RORA: variants seen among roughly 807,000 people sequenced by gnomAD.
RORA encodes the protein RAR related orphan receptor A.
A neutral mutation model predicts 69.5 loss-of-function variants in RORA; 7 were observed. That is an observed-to-expected ratio of 0.10 (90% confidence interval 0.06 to 0.19). The LOEUF is 0.19. RORA is among the 10% of genes least tolerant of loss of function. The pLI is 1.00. For missense variants in RORA, 457 were observed against 663.0 expected, an observed-to-expected ratio of 0.69 and a Z score of 3.41; for synonymous variants, 261 against 240.8, an observed-to-expected ratio of 1.08 and a Z score of -0.78.
At chr15:61,138,603 A>AC (rs947864616) in intron 1 of RORA, among the ~76,000 whole-genome samples, 2 of 152,050 alleles carry the variant, frequency 1.3e-5, no homozygotes, top group African/African-American at 4.8e-5. Context: ...TCAAACTGCT[A>AC]CCCCTCAGCA....
intron 1 of RORA, among the ~76,000 whole-genome samples, chr15:61,134,563 T>C (rs1212529470): frequency 6.6e-6 from 1 of 152,216 alleles, no homozygotes; most frequent in East Asian, 1.9e-4. Context: ...TTAAAAATGC[T>C]GCAAGAATTC....
At chr15:60,627,355 C>G (rs139672315) in intron 2 of RORA, 1 of 1,614,196 alleles carries the variant, frequency 6.2e-7, no homozygotes, top group East Asian at 2.2e-5. Flanking sequence ...GTCACTGTCT[C>G]CTGGGGCCCC....
rs1249688758 is a variant in RORA at position 60,786,365 on chromosome 15, C to T, written c.167-107679G>A. Among the ~76,000 whole-genome samples the T allele has an allele frequency of 9.9e-5, 15 of 152,220 alleles. No individual in the cohort carries two copies. The South Asian group carries it at 1.2e-3, about 13-fold the overall frequency. ...CTCAAAAAGATAAATATTACTAATA[C>T]CTTTTACCTAAAAGTATCCACCTCC... is the stretch of plus-strand genomic sequence containing the variant. On this transcript the variant is annotated intron_variant, in intron 1 of 10. Transcript: ENST00000335670.
At chr15:61,062,520 A>G (rs961110392) in intron 1 of RORA, among the ~76,000 whole-genome samples, 1 of 152,120 alleles carries the variant, frequency 6.6e-6, no homozygotes, top group African/African-American at 2.4e-5. Flanking sequence ...GAGAGACAGG[A>G]GGAGCGAGCC....
At chr15:61,135,145 C>CT (rs2079224870) in intron 1 of RORA, among the ~76,000 whole-genome samples, 1 of 90,898 alleles carries the variant, frequency 1.1e-5, no homozygotes, top group Admixed American at 1.2e-4. Flanking sequence ...CCATCTCTTA[C>CT]TAAAAAAAAA....
intron 1 of RORA, among the ~76,000 whole-genome samples, chr15:60,785,696 C>T (rs563241157): frequency 5.9e-5 from 9 of 152,350 alleles, no homozygotes; most frequent in South Asian, 2.1e-4. Flanking sequence ...CTTCCTCTAT[C>T]CACAGGACCT....
intron 1 of RORA, among the ~76,000 whole-genome samples, chr15:60,762,241 A>T (rs567547828): frequency 4.7e-4 from 71 of 152,336 alleles, no homozygotes; most frequent in African/African-American, 1.6e-3. Flanking sequence ...CAAAAGTACT[A>T]TTAAACTAAA....
chr15:60,516,049 ATATATATT>A (rs1355777028), intron 3 of RORA, among the ~76,000 whole-genome samples: 77 of 5,442 alleles, frequency 0.014, 2 homozygotes, highest in African/African-American at 0.03. Context: ...TTATATATTT[ATATATATT>A]TATATATATT....
At chr15:61,186,640 C>CA (rs58380679) in intron 1 of RORA, among the ~76,000 whole-genome samples, 28 of 67,612 alleles carry the variant, frequency 4.1e-4, no homozygotes, top group Non-Finnish European at 5.1e-4. Context: ...GACCCTGACT[C>CA]AAAAAAAAAA....
intron 1 of RORA, among the ~76,000 whole-genome samples, chr15:60,915,194 T>C (rs892440073): frequency 6.6e-5 from 10 of 152,214 alleles, no homozygotes; most frequent in Admixed American, 5.2e-4. Context: ...TGGGCAGTTA[T>C]CTCTGTAGCC....
At chr15:60,748,282 T>C (rs748914691) in intron 1 of RORA, among the ~76,000 whole-genome samples, 40 of 140,610 alleles carry the variant, frequency 2.8e-4, no homozygotes, top group Non-Finnish European at 5.6e-4. Flanking sequence ...AAAAAAGTAG[T>C]CCTAAGCCAA....
chr15:60,784,393 T>C (rs1041030507), intron 1 of RORA, among the ~76,000 whole-genome samples: 1 of 152,184 alleles, frequency 6.6e-6, no homozygotes, highest in African/African-American at 2.4e-5. Context: ...GACATTCCAA[T>C]TGGGTCACTC....
At chr15:61,080,366 T>C (rs945278675) in intron 1 of RORA, among the ~76,000 whole-genome samples, 1 of 152,172 alleles carries the variant, frequency 6.6e-6, no homozygotes, top group African/African-American at 2.4e-5. Flanking sequence ...TTCTTGCCTA[T>C]ACCCCCTGCC....
At chr15:61,108,095 T>A (rs2078968732) in intron 1 of RORA, among the ~76,000 whole-genome samples, 1 of 152,174 alleles carries the variant, frequency 6.6e-6, no homozygotes, top group South Asian at 2.1e-4. Flanking sequence ...CAGGGCCCAA[T>A]ACAAATGTCC....
intron 1 of RORA, among the ~76,000 whole-genome samples, chr15:61,206,963 A>C (rs2079947661): frequency 6.6e-6 from 1 of 152,206 alleles, no homozygotes; most frequent in African/African-American, 2.4e-5. Flanking sequence ...AAATTCCAAA[A>C]GATATTACTG....
intron 3 of RORA, among the ~76,000 whole-genome samples, chr15:60,526,492 A>C (rs1454306285): frequency 6.6e-6 from 1 of 152,078 alleles, no homozygotes; most frequent in African/African-American, 2.4e-5. Flanking sequence ...CAAACAAATA[A>C]AAAAAAATCT....
At chr15:61,064,650 A>C (rs920423421) in intron 1 of RORA, among the ~76,000 whole-genome samples, 1 of 152,194 alleles carries the variant, frequency 6.6e-6, no homozygotes, top group African/African-American at 2.4e-5. Flanking sequence ...CATGAAAAAA[A>C]ACTCAGATTT....
At chr15:60,899,054 T>C (rs556308178) in intron 1 of RORA, among the ~76,000 whole-genome samples, 4 of 152,324 alleles carry the variant, frequency 2.6e-5, no homozygotes, top group Admixed American at 2.0e-4. Context: ...ACCCTACTTA[T>C]GGAGGCAAAG....
intron 2 of RORA, among the ~76,000 whole-genome samples, chr15:60,666,039 C>A (rs1261490646): frequency 6.6e-6 from 1 of 151,906 alleles, no homozygotes; most frequent in Non-Finnish European, 1.5e-5. Flanking sequence ...AAATGAGCAA[C>A]AAGAGTGGTC....
Sources: allele counts gnomAD v4.1 joint callset (sites outside exome capture counted in the v4.1 genomes callset), GRCh38; gene constraint gnomAD v4.1.1; transcripts MANE v1.5; gene names NCBI Gene and HGNC (gene_info 2026-07-23, HGNC 2026-07-21).